The following HSD17B4 variants were observed in gnomAD, a reference collection of about 807,000 sequenced individuals.
The protein encoded by HSD17B4 is peroxisomal multifunctional enzyme type 2.
A neutral mutation model predicts 101.0 loss-of-function variants in HSD17B4; 70 were observed. That is an observed-to-expected ratio of 0.69 (90% CI 0.57 to 0.85). The LOEUF is 0.85. HSD17B4 is among the 40% of genes least tolerant of loss of function. The pLI is 0.00. For synonymous variants in HSD17B4, 347 were observed against 297.1 expected (o/e 1.17, Z -1.73); for missense variants, 984 against 892.4 (o/e 1.10, Z -1.31).
At chr5:119,496,698 CCTT>C in intron 12 of HSD17B4, 52 bp downstream of exon 12, 1 of 921,958 alleles carries the variant, frequency 1.1e-6, no homozygotes, top group Non-Finnish European at 1.8e-6. Context: ...ACTTTCCCTC[CCTT>C]CTTCCCTCCC....
intron 19 of HSD17B4, among the ~76,000 whole-genome samples, 200 bp downstream of exon 19, chr5:119,526,223 C>T (rs1410541671): frequency 6.6e-6 from 1 of 151,488 alleles, no homozygotes; most frequent in African/African-American, 2.4e-5. Flanking sequence ...AGGAAGGATG[C>T]ACAGTTGCAA....
At chr5:119,485,706 C>G (rs1749556846) in intron 8 of HSD17B4, among the ~76,000 whole-genome samples, 1 of 152,022 alleles carries the variant, frequency 6.6e-6, no homozygotes, top group Non-Finnish European at 1.5e-5. Flanking sequence ...TTTCATTTCC[C>G]CTTTGAAATA....
At chr5:119,506,715 GT>G (rs1751684306) in intron 14 of HSD17B4, 102 bp from the exon 15 acceptor site, 1 of 660,504 alleles carries the variant, frequency 1.5e-6, no homozygotes. Flanking sequence ...TAGTTTTTTA[GT>G]TTTGCTGAGC....
At chr5:119,507,413 G>C (rs1751754166) in intron 15 of HSD17B4, among the ~76,000 whole-genome samples, 1 of 151,990 alleles carries the variant, frequency 6.6e-6, no homozygotes, top group Non-Finnish European at 1.5e-5. Context: ...TTTGCAGTGG[G>C]AAAAAAGATT....
At position 119,542,085 on chromosome 5, in the gene HSD17B4, A is replaced by C; in HGVS notation, c.*91A>C. 1 of 848,722 alleles carries C rather than the reference A, an allele frequency of 1.2e-6. No homozygotes were observed. Among genetic ancestry groups the C allele is most frequent in the Non-Finnish European group, 2.0e-6 (1 of 500,558 alleles). The allele number at this position is 848,722 out of a possible 1,614,324, so 52.6% of individuals were successfully genotyped here. On this transcript the variant is annotated 3_prime_UTR_variant, in exon 24 of 24. Transcript: ENST00000510025. ...TTATTCTGCAAAAGTGATTAGAACT[A>C]AGATGCAGGGGAAATTGCTTAACAT...
chr5:119,491,931 G>T (rs764135206), intron 9 of HSD17B4, among the ~76,000 whole-genome samples, 169 bp from the exon 10 acceptor site: 1 of 152,142 alleles, frequency 6.6e-6, no homozygotes, highest in Non-Finnish European at 1.5e-5. Flanking sequence ...AACATGAGCA[G>T]TGCAAAGTCA....
chr5:119,502,631 CTTTGATG>C lies in HSD17B4; in HGVS notation c.1261+545_1261+551del, dbSNP rs796066522. On this transcript the variant is annotated intron_variant, in intron 14 of 23. Coordinates refer to ENST00000510025, the MANE Select transcript of HSD17B4 (RefSeq NM_000414.4). ...ATAATTGGATATATTTATTTCTCTA[CTTTGATG>C]TTTGAATGTTGTCTAATTATATACT... is the stretch of plus-strand genomic sequence containing the variant. Among the ~76,000 whole-genome samples the C allele has an allele frequency of 7.3e-5, 11 of 151,546 alleles. 1 individual carries two copies. In the South Asian group the frequency reaches 2.3e-3, roughly 32 times the overall value.
intron 2 of HSD17B4, among the ~76,000 whole-genome samples, chr5:119,459,064 T>C (rs150646508): frequency 0.01 from 1,598 of 152,352 alleles, 18 homozygotes; most frequent in African/African-American, 0.037. Flanking sequence ...AAGATTGACA[T>C]GACTTTTCCG....
intron 2 of HSD17B4, among the ~76,000 whole-genome samples, chr5:119,460,431 C>G (rs1283492473): frequency 6.6e-6 from 1 of 152,210 alleles, no homozygotes; most frequent in Non-Finnish European, 1.5e-5. Context: ...ACCCACATCT[C>G]CCTTGGATAC....
At position 119,515,034 on chromosome 5, in the gene HSD17B4, C is replaced by T. The variant is rs1403761935; in HGVS notation, c.1491C>T (p.Thr497=). The T allele has an allele frequency of 2.5e-6, 4 of 1,575,562 alleles. No individual in the cohort carries two copies. The highest frequency in any genetic ancestry group is 3.5e-6 in the Non-Finnish European group (4 of 1,145,246). The change falls in exon 17 of 24, where the codon ACC becomes ACT. Residue 497 remains threonine (T), a synonymous_variant. Coordinates refer to ENST00000510025, the MANE Select transcript of HSD17B4 (RefSeq NM_000414.4). ...CTGATGCTGTACTTACAGATACCAC[C>T]TCTCTTAATCAGGTAAGATTGTATT... The part of the protein sequence containing the change: ...RPPDAVLTDT[T]SLNQAALYRL...
At chr5:119,474,216 GT>G (rs1748341165) in intron 3 of HSD17B4, among the ~76,000 whole-genome samples, 184 bp from the exon 4 acceptor site, 1 of 152,054 alleles carries the variant, frequency 6.6e-6, no homozygotes, top group African/African-American at 2.4e-5. Flanking sequence ...TCTAAGCTTT[GT>G]TCTATTGTTT....
chr5:119,536,763 T>A (rs1754578073), intron 23 of HSD17B4, among the ~76,000 whole-genome samples: 1 of 152,254 alleles, frequency 6.6e-6, no homozygotes, highest in Admixed American at 6.5e-5. Flanking sequence ...AACCCACATC[T>A]AGATTTTTTA....
intron 22 of HSD17B4, among the ~76,000 whole-genome samples, chr5:119,533,577 T>C (rs1462297092): frequency 6.6e-6 from 1 of 152,070 alleles, no homozygotes; most frequent in African/African-American, 2.4e-5. Flanking sequence ...ACTGCATTAC[T>C]AGAAGTATGA....
At chr5:119,520,368 T>C (rs1753004123) in intron 17 of HSD17B4, among the ~76,000 whole-genome samples, 1 of 152,162 alleles carries the variant, frequency 6.6e-6, no homozygotes, top group Non-Finnish European at 1.5e-5. Flanking sequence ...TCATGTGGTG[T>C]ATCATCTTCC....
intron 2 of HSD17B4, among the ~76,000 whole-genome samples, chr5:119,472,136 T>A (rs1000138735): frequency 3.3e-5 from 5 of 152,206 alleles, no homozygotes; most frequent in Non-Finnish European, 5.9e-5. Context: ...TGACCTCTTT[T>A]GAGAAATAGT....
At chr5:119,475,145 A>G (rs1748461615) in intron 4 of HSD17B4, among the ~76,000 whole-genome samples, 1 of 152,156 alleles carries the variant, frequency 6.6e-6, no homozygotes, top group Admixed American at 6.6e-5. Flanking sequence ...ATGTTCACAT[A>G]TCGTCTGACA....
At chr5:119,534,936 T>C (rs1754413666) in intron 22 of HSD17B4, among the ~76,000 whole-genome samples, 1 of 150,954 alleles carries the variant, frequency 6.6e-6, no homozygotes, top group Admixed American at 6.7e-5. Context: ...ATCTTCTCTG[T>C]GTTATTCATC....
At chr5:119,509,509 A>AT (rs1244139037) in intron 16 of HSD17B4, 45 of 569,806 alleles carry the variant, frequency 7.9e-5, no homozygotes, top group African/African-American at 3.8e-5. Flanking sequence ...ATATTCTTTC[A>AT]TTTTTTATGT....
chr5:119,484,306 A>C (rs1234771367), intron 8 of HSD17B4, among the ~76,000 whole-genome samples: 1 of 152,230 alleles, frequency 6.6e-6, no homozygotes, highest in African/African-American at 2.4e-5. Flanking sequence ...ACCTTTGTGG[A>C]AAATCAATCG....
Sources: gnomAD v4.1 joint callset for allele counts (sites outside exome capture counted in the v4.1 genomes callset) on GRCh38, gnomAD v4.1.1 for gene constraint, MANE v1.5 for transcripts, NCBI Gene and HGNC (gene_info 2026-07-23, HGNC 2026-07-21) for gene names.